RP1: variants seen among roughly 807,000 people sequenced by gnomAD.
RP1 encodes RP1 axonemal microtubule associated.
In RP1, 16 loss-of-function variants were observed where a neutral mutation model predicts 14.8. The ratio of observed to expected loss-of-function variants is 1.08; its 90% CI spans 0.73 to 1.65. The LOEUF is 1.65. RP1 is among the 40% of genes most tolerant of loss of function. The probability of loss-of-function intolerance (pLI) is 0.00; values close to 1 mark genes in which losing one functional copy is unlikely to be tolerated. For missense variants in RP1, 2,631 were observed against 2,535.0 expected (o/e 1.04, Z -0.81); for synonymous variants, 876 against 883.6 (o/e 0.99, Z 0.15).
Position 54,738,993 on chromosome 8 carries a change from T to A in RP1, c.2772T>A (p.Asp924Glu), listed in dbSNP as rs1563362579. ...TATATAAGATAAGGATAGGACATGA[T>A]GGAACCAGTGAGCAACCCGAGTGGA... Residue 924 changes from aspartate to glutamate, a missense_variant, in exon 19 of 23, where the codon GAT becomes GAA. Transcript: ENST00000636932. 4 of 1,531,772 alleles carry A rather than the reference T, an allele frequency of 2.6e-6. No individual in the cohort carries two copies. The East Asian group carries it at 9.8e-5, about 37-fold the overall frequency. The allele number at this position is 1,531,772 out of a possible 1,614,324, so 94.9% of individuals were successfully genotyped here.
chr8:54,752,932 T>C (rs1237619435), intron 19 of RP1, among the ~76,000 whole-genome samples: 1 of 152,256 alleles, frequency 6.6e-6, no homozygotes, highest in Admixed American at 6.5e-5. Flanking sequence ...AATATTAATG[T>C]ATGTATACAT....
intron 27 of RP1, among the ~76,000 whole-genome samples, chr8:54,865,600 ATTT>A (rs1474007781): frequency 6.6e-6 from 1 of 151,652 alleles, no homozygotes; most frequent in Non-Finnish European, 1.5e-5. Context: ...TTTTTTTTTA[ATTT>A]TATAGAGAGT....
intron 21 of RP1, among the ~76,000 whole-genome samples, chr8:54,757,872 G>T (rs899858616): frequency 1.3e-5 from 2 of 152,180 alleles, no homozygotes; most frequent in Non-Finnish European, 2.9e-5. Context: ...CACATGAGAA[G>T]ATGCACAAAT....
chr8:54,834,001 T>C (rs1585732330), intron 24 of RP1, among the ~76,000 whole-genome samples: 1 of 152,192 alleles, frequency 6.6e-6, no homozygotes, highest in East Asian at 1.9e-4. Flanking sequence ...AAGCAGTCTA[T>C]TCTCTGCCAA....
rs886062988 is a variant in RP1, at chr8:54,620,943, T to C, written c.-12-12T>C. On this transcript the variant is annotated splice_polypyrimidine_tract_variant and intron_variant, in intron 1 of 3. Transcript: ENST00000220676. ...TGCTGTGATTCTGGAGATAATTTTC[T>C]TTCTTCTCTAGGTCTCAGCCAAAAT... The C allele has an allele frequency of 1.2e-6, 2 of 1,613,710 alleles. No individual in the cohort carries two copies. The highest frequency in any genetic ancestry group is 8.5e-7 in the Non-Finnish European group (1 of 1,179,576).
downstream of RP1, chr8:54,630,884 A>G: frequency 2.2e-6 from 2 of 926,616 alleles, no homozygotes; most frequent in Non-Finnish European, 2.6e-6. Flanking sequence ...TGAAATTGCA[A>G]GCATTTCCAT....
intron 27 of RP1, among the ~76,000 whole-genome samples, chr8:54,860,838 T>C (rs1320480134): frequency 1.3e-5 from 2 of 152,226 alleles, no homozygotes; most frequent in African/African-American, 2.4e-5. Context: ...CACAGTGCTA[T>C]TGTCCATTTG....
chr8:54,594,240 A>G (rs1376177829), intron 1 of RP1, among the ~76,000 whole-genome samples: 1 of 97,026 alleles, frequency 1.0e-5, no homozygotes, highest in African/African-American at 4.2e-5. Context: ...GGGACCAGGA[A>G]CTTGGTTCTT....
intron 1 of RP1, among the ~76,000 whole-genome samples, chr8:54,577,358 C>A (rs1021739406): frequency 9.2e-5 from 14 of 152,140 alleles, no homozygotes; most frequent in Non-Finnish European, 1.8e-4. Context: ...AGATGGGAAA[C>A]AACTGCCTAT....
downstream of RP1, among the ~76,000 whole-genome samples, chr8:54,633,279 T>C (rs937969344): frequency 2.0e-5 from 3 of 151,978 alleles, no homozygotes; most frequent in Admixed American, 6.6e-5. Flanking sequence ...ATCATCAGAG[T>C]TGATTCCAAG....
At chr8:54,677,734 A>G (rs527304764) in intron 8 of RP1, among the ~76,000 whole-genome samples, 1 of 152,262 alleles carries the variant, frequency 6.6e-6, no homozygotes, top group African/African-American at 2.4e-5. Context: ...CTCTAAACAT[A>G]TACAAATAAA....
intron 1 of RP1, among the ~76,000 whole-genome samples, chr8:54,581,053 G>A (rs920817390): frequency 6.6e-6 from 1 of 151,596 alleles, no homozygotes; most frequent in East Asian, 1.9e-4. Context: ...TGTGCACAAC[G>A]TGCAGTTTTG....
At position 54,625,334 on chromosome 8, in the gene RP1, A is replaced by G. The variant is rs756876891; in HGVS notation, c.1452A>G (p.Ser484=). ...EVQEKMIGQF[S]YSEERESGEN... ...AAGAGAAAATGATTGGACAGTTTTC[A>G]TATAGTGAAGAAAGGGAAAGTGGGG... The change falls in exon 4 of 4, where the codon TCA becomes TCG. Residue 484 remains serine, a synonymous_variant. Coordinates refer to ENST00000220676, the MANE Select transcript of RP1 (RefSeq NM_006269.2). 1.2e-6 allele frequency: 2 copies of G among 1,614,226 alleles called. No homozygotes were observed. The highest frequency in any genetic ancestry group is 1.7e-6 in the Non-Finnish European group (2 of 1,180,042).
chr8:54,625,948 A>C lies in RP1; in HGVS notation c.2066A>C (p.Gln689Pro). 6.2e-7 allele frequency: 1 copy of C among 1,614,002 alleles called. No individual in the cohort carries two copies. Residue 689 changes from glutamine to proline, a missense_variant, in exon 4 of 4, where the codon CAG (glutamine) becomes CCG (proline). Transcript: ENST00000220676. ...ATAAATTCCAGGTATCAAGATGGAC[A>C]GCTTGCAACCAAAGGAATTCTTAAT... ...QAINSRYQDG[Q>P]LATKGILNKN...
intron 24 of RP1, among the ~76,000 whole-genome samples, chr8:54,786,245 C>A (rs139330266): frequency 6.6e-6 from 1 of 152,134 alleles, no homozygotes; most frequent in African/African-American, 2.4e-5. Flanking sequence ...ATATGCAAGT[C>A]TTGGTTGACA....
rs1805978747 is a variant in RP1 at position 54,624,693 on chromosome 8, T to C, written c.811T>C (p.Ser271Pro). Residue 271 changes from serine (S) to proline (P), a missense_variant, in exon 4 of 4, where the codon TCA becomes CCA. Physicochemically the swap from Ser to Pro is moderately conservative, Grantham distance 74. Transcript: ENST00000220676. ...RKISTHMSSS[S>P]RSQIYSVSSE... ...AGTAAGCACACATATGTCTTCAAGC[T>C]CAAGGTCCCAGATTTATTCTGTTTC... The C allele has an allele frequency of 6.2e-7, 1 of 1,613,950 alleles. No homozygotes were observed. The highest frequency in any genetic ancestry group is 8.5e-7 in the Non-Finnish European group (1 of 1,179,940).
intron 27 of RP1, among the ~76,000 whole-genome samples, chr8:54,864,035 A>C (rs747282507): frequency 5.3e-5 from 8 of 152,240 alleles, no homozygotes; most frequent in Non-Finnish European, 1.0e-4. Flanking sequence ...GTATCAAAGA[A>C]ATGAAAAGTG....
intron 4 of RP1, chr8:54,652,702 T>C (rs943231759): frequency 2.0e-5 from 19 of 933,432 alleles, no homozygotes; most frequent in Non-Finnish European, 1.7e-5. Context: ...TTTATCAACA[T>C]TTCATGTCCT....
chr8:54,868,029 C>T (rs1812497815), intron 28 of RP1, among the ~76,000 whole-genome samples: 1 of 152,012 alleles, frequency 6.6e-6, no homozygotes, highest in Non-Finnish European at 1.5e-5. Context: ...TAGTTTATTG[C>T]TCTGAATGTG....
Sources: allele counts gnomAD v4.1 joint callset (sites outside exome capture counted in the v4.1 genomes callset), GRCh38; gene constraint gnomAD v4.1.1; transcripts MANE v1.5; gene names NCBI Gene and HGNC (gene_info 2026-07-23, HGNC 2026-07-21).